TDRD3: variants seen among roughly 807,000 people sequenced by gnomAD.
TDRD3 encodes tudor domain-containing protein 3.
TDRD3 carries 45 observed loss-of-function variants against 86.7 expected under a neutral mutation model. The ratio of observed to expected loss-of-function variants is 0.52; its 90% CI spans 0.41 to 0.67. TDRD3 has a LOEUF of 0.67. TDRD3 is among the 30% of genes least tolerant of loss of function. The pLI is 0.00. For synonymous variants in TDRD3, 298 were observed against 301.7 expected, an observed-to-expected ratio of 0.99 and a Z score of 0.13; for missense variants, 814 against 889.0, an observed-to-expected ratio of 0.92 and a Z score of 1.07.
intron 1 of TDRD3, among the ~76,000 whole-genome samples, chr13:60,416,143 A>G (rs1465481396): frequency 1.3e-5 from 2 of 152,214 alleles, no homozygotes; most frequent in African/African-American, 4.8e-5. Context: ...TACAATATCA[A>G]ATCATGGCAA....
At chr13:60,422,755 T>TAAAG (rs3081884) in intron 1 of TDRD3, among the ~76,000 whole-genome samples, 30,040 of 151,736 alleles carry the variant, frequency 0.2, 3,574 homozygotes, top group South Asian at 0.29. Flanking sequence ...AGAATTTAAA[T>TAAAG]AAGAAATGTC....
intron 11 of TDRD3, among the ~76,000 whole-genome samples, chr13:60,534,391 C>T (rs1957652191): frequency 6.6e-6 from 1 of 152,090 alleles, no homozygotes; most frequent in Admixed American, 6.5e-5. Flanking sequence ...TGTTAATATG[C>T]ATCAGTTCTT....
intron 12 of TDRD3, among the ~76,000 whole-genome samples, chr13:60,562,844 C>T (rs763064350): frequency 3.0e-4 from 45 of 151,706 alleles, no homozygotes; most frequent in Admixed American, 1.1e-3. Flanking sequence ...GAATAATTGC[C>T]ATTCCCATTT....
chr13:60,460,595 A>T (rs1359350251), intron 4 of TDRD3, 55 bp downstream of exon 4: 14 of 1,452,774 alleles, frequency 9.6e-6, no homozygotes, highest in African/African-American at 1.5e-5. Flanking sequence ...GTGCTATTCA[A>T]TTGGAATAAC....
chr13:60,464,538 A>ATATG (rs1331034714), intron 4 of TDRD3, among the ~76,000 whole-genome samples: 4 of 152,146 alleles, frequency 2.6e-5, no homozygotes, highest in African/African-American at 7.2e-5. Flanking sequence ...TAAAGAAAAC[A>ATATG]TATGTATGTA....
intron 3 of TDRD3, among the ~76,000 whole-genome samples, chr13:60,445,217 A>G (rs1360714058): frequency 6.6e-6 from 1 of 152,212 alleles, no homozygotes; most frequent in Non-Finnish European, 1.5e-5. Flanking sequence ...ACACATATGT[A>G]TTCGTGTTAT....
At chr13:60,502,087 G>T (rs1956847271) in intron 8 of TDRD3, among the ~76,000 whole-genome samples, 1 of 152,144 alleles carries the variant, frequency 6.6e-6, no homozygotes, top group Admixed American at 6.5e-5. Flanking sequence ...AATTTTACTT[G>T]CTAAGATACA....
At chr13:60,515,928 A>G (rs1957157831) in intron 10 of TDRD3, among the ~76,000 whole-genome samples, 1 of 152,210 alleles carries the variant, frequency 6.6e-6, no homozygotes, top group Non-Finnish European at 1.5e-5. Context: ...ATAAATCTAG[A>G]AAGTGTTTCA....
At chr13:60,472,327 A>G (rs1956090175) in intron 5 of TDRD3, among the ~76,000 whole-genome samples, 1 of 152,228 alleles carries the variant, frequency 6.6e-6, no homozygotes, top group Admixed American at 6.5e-5. Flanking sequence ...GGTAAAATAC[A>G]CATAACGTAA....
chr13:60,484,185 A>G (rs1386554763), intron 6 of TDRD3, among the ~76,000 whole-genome samples: 1 of 152,074 alleles, frequency 6.6e-6, no homozygotes, highest in African/African-American at 2.4e-5. Flanking sequence ...CTTGTTCATT[A>G]AAAACATTAG....
At chr13:60,571,578 G>A (rs557769696) in intron 13 of TDRD3, among the ~76,000 whole-genome samples, 1 of 152,266 alleles carries the variant, frequency 6.6e-6, no homozygotes, top group South Asian at 2.1e-4. Context: ...TTCTTTTTAT[G>A]TTTTGAGTAC....
Position 60,510,762 on chromosome 13 carries a change from T to A in TDRD3, c.1141+7T>A. ...GGAACTTTGAATGTGGAAGGTAAGC[T>A]AATTTAAAGTTGATTCCTTTTTTTT... On this transcript the variant is annotated splice_region_variant and intron_variant, in intron 10 of 13. Transcript: ENST00000377881. The A allele has an allele frequency of 6.5e-7, 1 of 1,528,932 alleles. No homozygotes were observed. The highest frequency in any genetic ancestry group is 1.3e-5 in the South Asian group (1 of 76,394). The allele number at this position is 1,528,932 out of a possible 1,614,324, so 94.7% of individuals were successfully genotyped here.
Position 60,444,693 on chromosome 13 carries a change from G to T in TDRD3, c.137G>T (p.Arg46Ile). 6.8e-7 allele frequency: 1 copy of T among 1,466,816 alleles called. No homozygotes were observed. The highest frequency in any genetic ancestry group is 9.1e-7 in the Non-Finnish European group (1 of 1,093,470). The allele number at this position is 1,466,816 out of a possible 1,614,324, so 90.9% of individuals were successfully genotyped here. The change falls in exon 3 of 14, where the codon AGA (arginine) becomes ATA (isoleucine). Residue 46 changes from arginine (R) to isoleucine (I), a missense_variant. Coordinates refer to ENST00000377881, the MANE Select transcript of TDRD3 (RefSeq NM_001146070.2). ...ATATTTTTATTTTAGACAGATCTGAGAACAATTGGCAAGAAATTCCTCCCC... is the reference window on the plus strand; with the variant it reads ...ATATTTTTATTTTAGACAGATCTGATAACAATTGGCAAGAAATTCCTCCCC... ...IILIALNTDL[R>I]TIGKKFLPSD...
At chr13:60,429,108 CAT>C (rs924281569) in intron 1 of TDRD3, among the ~76,000 whole-genome samples, 1 of 152,092 alleles carries the variant, frequency 6.6e-6, no homozygotes, top group African/African-American at 2.4e-5. Context: ...TATCAGCTGA[CAT>C]ATATATGGGA....
chr13:60,545,089 T>C (rs1957909077), intron 12 of TDRD3, among the ~76,000 whole-genome samples: 1 of 152,198 alleles, frequency 6.6e-6, no homozygotes, highest in Non-Finnish European at 1.5e-5. Context: ...AAAGCTACTT[T>C]AGAAAAATAG....
chr13:60,396,181 C>T (rs572808197), upstream of TDRD3, among the ~76,000 whole-genome samples: 2 of 152,358 alleles, frequency 1.3e-5, no homozygotes, highest in African/African-American at 4.8e-5. Flanking sequence ...GGGGCAGCGG[C>T]AAGCGGCGGA....
At chr13:60,476,380 A>G (rs1432553074) in intron 5 of TDRD3, among the ~76,000 whole-genome samples, 1 of 151,948 alleles carries the variant, frequency 6.6e-6, no homozygotes, top group Non-Finnish European at 1.5e-5. Flanking sequence ...TAGGTTCTTT[A>G]TCCTGTTCCA....
At chr13:60,419,112 A>G (rs1333132004) in intron 1 of TDRD3, among the ~76,000 whole-genome samples, 2 of 152,222 alleles carry the variant, frequency 1.3e-5, no homozygotes, top group Non-Finnish European at 2.9e-5. Flanking sequence ...GTTTAACTTT[A>G]TAGGAAACAG....
chr13:60,492,079 A>G (rs1168259474), intron 7 of TDRD3, among the ~76,000 whole-genome samples: 1 of 152,170 alleles, frequency 6.6e-6, no homozygotes, highest in African/African-American at 2.4e-5. Context: ...ATGGTTCTAG[A>G]TATTTATATG....
Sources: allele counts gnomAD v4.1 joint callset (sites outside exome capture counted in the v4.1 genomes callset), GRCh38; gene constraint gnomAD v4.1.1; transcripts MANE v1.5; gene names NCBI Gene and HGNC (gene_info 2026-07-23, HGNC 2026-07-21).